COL19A1: variants seen among roughly 807,000 people sequenced by gnomAD.
COL19A1 encodes the protein collagen alpha-1(XIX) chain.
COL19A1 carries 159 observed loss-of-function variants against 190.2 expected under a neutral mutation model. The ratio of observed to expected loss-of-function variants is 0.84; its 90% CI spans 0.73 to 0.95. The LOEUF (loss-of-function observed/expected upper bound fraction) is 0.95, where lower values mean the gene tolerates loss of function less well. Among genes scored for constraint, COL19A1 ranks in the 40% least tolerant of loss-of-function variants. COL19A1 has a pLI of 0.00. For missense variants in COL19A1, 1,418 were observed against 1,431.9 expected, an observed-to-expected ratio of 0.99 and a Z score of 0.16; for synonymous variants, 509 against 458.9, an observed-to-expected ratio of 1.11 and a Z score of -1.39.
At chr6:70,060,126 A>T (rs1432391290) in intron 14 of COL19A1, among the ~76,000 whole-genome samples, 1 of 152,178 alleles carries the variant, frequency 6.6e-6, no homozygotes, top group Non-Finnish European at 1.5e-5. Context: ...TTTCTCATAG[A>T]CATCAGAGAA....
At chr6:70,190,204 G>A in intron 47 of COL19A1, 111 bp from the exon 48 acceptor site, 1 of 777,136 alleles carries the variant, frequency 1.3e-6, no homozygotes, top group South Asian at 1.7e-5. Context: ...CATTTTTCTT[G>A]ATAAATGCAT....
chr6:69,999,821 T>C (rs1562075109), intron 11 of COL19A1, among the ~76,000 whole-genome samples: 1 of 152,210 alleles, frequency 6.6e-6, no homozygotes, highest in Non-Finnish European at 1.5e-5. Context: ...ACTTCCTTTG[T>C]TTAACTAATT....
At chr6:69,946,335 T>G (rs1037351695) in intron 9 of COL19A1, among the ~76,000 whole-genome samples, 4 of 152,008 alleles carry the variant, frequency 2.6e-5, no homozygotes, top group Non-Finnish European at 5.9e-5. Context: ...TTTAACTAAT[T>G]TTTATTGTTG....
chr6:70,093,677 G>A (rs894610920), intron 15 of COL19A1, among the ~76,000 whole-genome samples: 1 of 152,086 alleles, frequency 6.6e-6, no homozygotes, highest in African/African-American at 2.4e-5. Flanking sequence ...AATTATAACA[G>A]CAAAATAACC....
intron 42 of COL19A1, among the ~76,000 whole-genome samples, chr6:70,178,945 C>T (rs1192711048): frequency 6.6e-6 from 1 of 152,174 alleles, no homozygotes. Context: ...TCTGAGTTCT[C>T]CACTGGTCCT....
At chr6:69,888,567 G>A (rs1769104446) in intron 2 of COL19A1, among the ~76,000 whole-genome samples, 2 of 151,938 alleles carry the variant, frequency 1.3e-5, no homozygotes, top group Admixed American at 6.6e-5. Flanking sequence ...GAGATGGGCA[G>A]ATTGCCTGAG....
At chr6:69,919,879 G>A (rs1474838261) in intron 4 of COL19A1, among the ~76,000 whole-genome samples, 1 of 151,962 alleles carries the variant, frequency 6.6e-6, no homozygotes, top group East Asian at 1.9e-4. Context: ...CTAGACTTTT[G>A]CAACTTAATT....
At chr6:70,047,361 G>A (rs1779968640) in intron 14 of COL19A1, among the ~76,000 whole-genome samples, 1 of 151,912 alleles carries the variant, frequency 6.6e-6, no homozygotes, top group Non-Finnish European at 1.5e-5. Flanking sequence ...AGAAAAATGT[G>A]TTTATCATAA....
intron 15 of COL19A1, among the ~76,000 whole-genome samples, chr6:70,100,732 C>T (rs1016179005): frequency 2.0e-5 from 3 of 151,860 alleles, no homozygotes; most frequent in African/African-American, 7.3e-5. Flanking sequence ...CCTGCCTCGG[C>T]CTCCCAAAGT....
chr6:69,935,831 A>T lies in COL19A1; in HGVS notation c.748-954A>T, dbSNP rs571418136. Among the ~76,000 whole-genome samples the T allele has an allele frequency of 5.5e-3, 832 of 152,196 alleles. 18 individuals are homozygous for T. In the East Asian group the frequency reaches 0.069, roughly 13 times the overall value. On this transcript the variant is annotated intron_variant, in intron 7 of 50. Coordinates refer to ENST00000620364, the MANE Select transcript of COL19A1 (RefSeq NM_001858.6). ...TTTCCTGCACAGATCATCAAAATGAATTTTTGTTACAAAACTTATCTATGT... is the reference window on the plus strand; with the variant it reads ...TTTCCTGCACAGATCATCAAAATGATTTTTTGTTACAAAACTTATCTATGT...
At chr6:69,996,570 T>C (rs1167559061) in intron 11 of COL19A1, among the ~76,000 whole-genome samples, 1 of 152,154 alleles carries the variant, frequency 6.6e-6, no homozygotes, top group East Asian at 1.9e-4. Context: ...CTAATTTATA[T>C]AGGCAGGTTA....
At chr6:69,963,340 AG>A (rs1268209582) in intron 11 of COL19A1, among the ~76,000 whole-genome samples, 1 of 152,208 alleles carries the variant, frequency 6.6e-6, no homozygotes, top group African/African-American at 2.4e-5. Flanking sequence ...AGTTTAATAA[AG>A]GCATGGTTTA....
chr6:69,882,389 C>T (rs1409383916), intron 2 of COL19A1, among the ~76,000 whole-genome samples: 2 of 152,176 alleles, frequency 1.3e-5, no homozygotes, highest in African/African-American at 4.8e-5. Flanking sequence ...AGTTTCAGCT[C>T]AGTTACTTGT....
At chr6:70,158,880 A>G (rs185849297) in intron 34 of COL19A1, among the ~76,000 whole-genome samples, 153 of 152,192 alleles carry the variant, frequency 1.0e-3, no homozygotes, top group South Asian at 1.9e-3. Context: ...CTACTCTTTA[A>G]TATGTATTTG....
intron 11 of COL19A1, among the ~76,000 whole-genome samples, chr6:69,994,977 C>G (rs1047448718): frequency 1.3e-5 from 2 of 152,178 alleles, no homozygotes; most frequent in African/African-American, 4.8e-5. Context: ...TATCTCTCTA[C>G]CCAGGACTTT....
chr6:69,974,962 G>A (rs893673430), intron 11 of COL19A1, among the ~76,000 whole-genome samples: 7 of 151,788 alleles, frequency 4.6e-5, no homozygotes, highest in Non-Finnish European at 8.8e-5. Flanking sequence ...ACAGGTGCCT[G>A]CCACCACACC....
At chr6:69,950,795 C>T (rs757782999) in intron 9 of COL19A1, among the ~76,000 whole-genome samples, 2 of 151,650 alleles carry the variant, frequency 1.3e-5, no homozygotes, top group Non-Finnish European at 2.9e-5. Flanking sequence ...ATTTTGCCCA[C>T]TTTGCCCCCA....
At chr6:69,896,467 G>A (rs1413584033) in intron 2 of COL19A1, among the ~76,000 whole-genome samples, 5 of 149,000 alleles carry the variant, frequency 3.4e-5, no homozygotes, top group Non-Finnish European at 7.4e-5. Flanking sequence ...AACCCGGGAG[G>A]CGGAGCTTGC....
intron 40 of COL19A1, among the ~76,000 whole-genome samples, chr6:70,171,731 A>G (rs1191532283): frequency 6.6e-6 from 1 of 152,232 alleles, no homozygotes; most frequent in African/African-American, 2.4e-5. Context: ...ATCAGAATGA[A>G]AATGATTAAT....
Sources: allele counts gnomAD v4.1 joint callset (sites outside exome capture counted in the v4.1 genomes callset), GRCh38; gene constraint gnomAD v4.1.1; transcripts MANE v1.5; gene names NCBI Gene and HGNC (gene_info 2026-07-23, HGNC 2026-07-21).